The following KCNQ5 variants were observed in gnomAD, a reference collection of about 807,000 sequenced individuals.
KCNQ5 encodes the protein potassium voltage-gated channel subfamily KQT member 5.
Under a neutral mutation model 98.2 loss-of-function variants are expected in KCNQ5, and 30 were observed. The observed-to-expected ratio is 0.31, with a 90% confidence interval of 0.23 to 0.41. The LOEUF (loss-of-function observed/expected upper bound fraction) is 0.41, where lower values mean the gene tolerates loss of function less well. Ranked by LOEUF, KCNQ5 falls within the 10% of genes least tolerant of loss-of-function variation. KCNQ5 has a pLI of 1.00. For synonymous variants in KCNQ5, 458 were observed against 449.4 expected, an observed-to-expected ratio of 1.02 and a Z score of -0.24; for missense variants, 835 against 1,182.5, an observed-to-expected ratio of 0.71 and a Z score of 4.31.
At chr6:72,928,842 T>G (rs1016862537) in intron 1 of KCNQ5, among the ~76,000 whole-genome samples, 4 of 152,090 alleles carry the variant, frequency 2.6e-5, no homozygotes, top group Non-Finnish European at 5.9e-5. Context: ...GCCCATAAGC[T>G]CTTTATTTTT....
chr6:72,795,530 T>C (rs1391758464), intron 1 of KCNQ5, among the ~76,000 whole-genome samples: 1 of 152,232 alleles, frequency 6.6e-6, no homozygotes, highest in Non-Finnish European at 1.5e-5. Flanking sequence ...GTAAGTTATG[T>C]AGTTGAACAT....
intron 1 of KCNQ5, among the ~76,000 whole-genome samples, chr6:72,793,035 G>A (rs970870904): frequency 6.6e-5 from 10 of 152,152 alleles, no homozygotes; most frequent in African/African-American, 1.4e-4. Context: ...TTGTTACAAC[G>A]TCTGAGCAGG....
intron 1 of KCNQ5, among the ~76,000 whole-genome samples, chr6:72,771,492 T>C (rs575934880): frequency 6.6e-6 from 1 of 152,240 alleles, no homozygotes; most frequent in South Asian, 2.1e-4. Context: ...TCCCAGCAGA[T>C]ATGAAGTTAT....
chr6:72,680,386 T>C (rs1317661766), intron 1 of KCNQ5, among the ~76,000 whole-genome samples: 1 of 152,250 alleles, frequency 6.6e-6, no homozygotes, highest in Non-Finnish European at 1.5e-5. Flanking sequence ...CTAAATAATA[T>C]TCAGTTGTGT....
chr6:72,923,550 T>C (rs1422177535), intron 1 of KCNQ5, among the ~76,000 whole-genome samples: 4 of 152,220 alleles, frequency 2.6e-5, no homozygotes, highest in Admixed American at 1.3e-4. Context: ...GAAATTTTTT[T>C]AATCCTTTGC....
chr6:72,911,662 G>A (rs1254585873), intron 1 of KCNQ5, among the ~76,000 whole-genome samples: 1 of 152,036 alleles, frequency 6.6e-6, no homozygotes, highest in African/African-American at 2.4e-5. Context: ...TGATGCTGTT[G>A]AGAAATCCAG....
At chr6:72,866,281 TCTCA>T (rs1164440999) in intron 1 of KCNQ5, among the ~76,000 whole-genome samples, 1 of 137,354 alleles carries the variant, frequency 7.3e-6, no homozygotes, top group Non-Finnish European at 1.5e-5. Flanking sequence ...TTTGAAACGG[TCTCA>T]CTCTGGTTGC....
At chr6:73,100,371 CA>C (rs749761891) in intron 5 of KCNQ5, among the ~76,000 whole-genome samples, 25 of 151,958 alleles carry the variant, frequency 1.6e-4, no homozygotes, top group Non-Finnish European at 2.9e-4. Flanking sequence ...AAAGAAAATA[CA>C]AAAGATTAAC....
chr6:72,970,517 C>T (rs182427582), intron 1 of KCNQ5, among the ~76,000 whole-genome samples: 3 of 152,250 alleles, frequency 2.0e-5, no homozygotes, highest in East Asian at 1.9e-4. Flanking sequence ...AAGCTAATTA[C>T]CAGTTGAGAA....
chr6:72,687,221 T>C (rs966488257), intron 1 of KCNQ5, among the ~76,000 whole-genome samples: 4 of 152,254 alleles, frequency 2.6e-5, no homozygotes, highest in Non-Finnish European at 5.9e-5. Context: ...TGCTCTCTGC[T>C]CTGTTTCCAC....
intron 1 of KCNQ5, among the ~76,000 whole-genome samples, chr6:72,738,699 A>G (rs79943940): frequency 0.08 from 12,235 of 152,172 alleles, 1,635 homozygotes; most frequent in African/African-American, 0.28. Context: ...GCACATTCAG[A>G]CAATGGAATA....
intron 1 of KCNQ5, among the ~76,000 whole-genome samples, chr6:72,923,278 A>G (rs2226137): frequency 0.63 from 95,241 of 152,036 alleles, 30,393 homozygotes; most frequent in East Asian, 0.79. Flanking sequence ...TCATGCGATA[A>G]TTCTAGGTTT....
At chr6:72,786,369 T>A (rs1414406183) in intron 1 of KCNQ5, among the ~76,000 whole-genome samples, 1 of 152,132 alleles carries the variant, frequency 6.6e-6, no homozygotes, top group Non-Finnish European at 1.5e-5. Context: ...TTGCAAAAAT[T>A]TGTAACAAAA....
At chr6:73,154,315 A>T (rs970914610) in intron 10 of KCNQ5, among the ~76,000 whole-genome samples, 8 of 152,204 alleles carry the variant, frequency 5.3e-5, no homozygotes, top group Non-Finnish European at 1.0e-4. Flanking sequence ...AACAATGGTC[A>T]CATGATTGAG....
chr6:72,857,929 C>T (rs1011071838), intron 1 of KCNQ5, among the ~76,000 whole-genome samples: 1 of 152,174 alleles, frequency 6.6e-6, no homozygotes, highest in Non-Finnish European at 1.5e-5. Flanking sequence ...TGGGCAAACT[C>T]TTGGTATTCA....
intron 1 of KCNQ5, among the ~76,000 whole-genome samples, chr6:72,671,847 C>T (rs765851306): frequency 4.9e-4 from 74 of 151,872 alleles, no homozygotes; most frequent in African/African-American, 1.4e-3. Flanking sequence ...GATGGAGTCT[C>T]GCTCTGTCAC....
chr6:72,760,856 C>A (rs972310128), intron 1 of KCNQ5, among the ~76,000 whole-genome samples: 2 of 151,984 alleles, frequency 1.3e-5, no homozygotes, highest in African/African-American at 4.8e-5. Context: ...GCAAGGAATG[C>A]GTTAGTTAAG....
chr6:72,860,018 T>C (rs1428501816), intron 1 of KCNQ5, among the ~76,000 whole-genome samples: 1 of 152,016 alleles, frequency 6.6e-6, no homozygotes, highest in Admixed American at 6.5e-5. Flanking sequence ...AAGTGATTAT[T>C]GATCTCTTCT....
chr6:73,107,172 A>G lies in KCNQ5; in HGVS notation c.1029+1805A>G, dbSNP rs1245461804. 2.0e-5 allele frequency among the ~76,000 whole-genome samples: 3 copies of G among 152,182 alleles called. No individual in the cohort carries two copies. In the East Asian group the frequency reaches 5.8e-4, roughly 29 times the overall value. ...GTGTTTATATTTATCCTGAGGCCAC[A>G]TGTAGAGCAACCTCTATGATTCAGT... On this transcript the variant is annotated intron_variant, in intron 6 of 13. Coordinates refer to ENST00000370398, the MANE Select transcript of KCNQ5 (RefSeq NM_019842.4).
Sources: allele counts gnomAD v4.1 joint callset (sites outside exome capture counted in the v4.1 genomes callset), GRCh38; gene constraint gnomAD v4.1.1; transcripts MANE v1.5; gene names NCBI Gene and HGNC (gene_info 2026-07-23, HGNC 2026-07-21).